Variants in PLCB1 observed in about 807,000 individuals in gnomAD.
The protein encoded by PLCB1 is 1-phosphatidylinositol 4,5-bisphosphate phosphodiesterase beta-1.
A neutral mutation model predicts 161.8 loss-of-function variants in PLCB1; 46 were observed. The ratio of observed to expected loss-of-function variants is 0.28; its 90% CI spans 0.22 to 0.36. PLCB1 has a LOEUF of 0.36. Among genes scored for constraint, PLCB1 ranks in the 10% least tolerant of loss-of-function variants. The pLI is 1.00. For missense variants in PLCB1, 1,016 were observed against 1,472.5 expected, an observed-to-expected ratio of 0.69 and a Z score of 5.07; for synonymous variants, 517 against 503.7, an observed-to-expected ratio of 1.03 and a Z score of -0.35.
chr20:8,809,729 A>G (rs1984719013), intron 31 of PLCB1, among the ~76,000 whole-genome samples: 1 of 152,232 alleles, frequency 6.6e-6, no homozygotes, highest in East Asian at 1.9e-4. Context: ...GAAATAAATT[A>G]CCTTCTTTAA....
At chr20:8,801,943 T>C (rs181079804) in intron 31 of PLCB1, 1 of 732,550 alleles carries the variant, frequency 1.4e-6, no homozygotes, top group African/African-American at 1.8e-5. Context: ...GTTAAAACTG[T>C]ACTCTAGAAG....
intron 3 of PLCB1, among the ~76,000 whole-genome samples, chr20:8,448,771 G>C (rs1210629499): frequency 2.0e-5 from 3 of 152,178 alleles, no homozygotes; most frequent in Non-Finnish European, 4.4e-5. Context: ...GATGTTAGCT[G>C]TTTGTATGAG....
rs1434344924 is a variant in PLCB1 at position 8,348,478 on chromosome 20, C to T, written c.178-22904C>T. ...AGGTGGGGACATGGGGTGCTTCTTC[C>T]TTCCCTCTTTGCTGCAGGCTGAAAT... On this transcript the variant is annotated intron_variant, in intron 2 of 31. Coordinates refer to ENST00000338037, the MANE Select transcript of PLCB1 (RefSeq NM_015192.4). 3.3e-5 allele frequency among the ~76,000 whole-genome samples: 5 copies of T among 152,268 alleles called. No homozygotes were observed. In the East Asian group the frequency reaches 9.7e-4, roughly 29 times the overall value.
At chr20:8,580,021 G>A (rs1049054236) in intron 3 of PLCB1, among the ~76,000 whole-genome samples, 1 of 152,166 alleles carries the variant, frequency 6.6e-6, no homozygotes, top group Non-Finnish European at 1.5e-5. Context: ...CTGGCCCTGG[G>A]TGATGGAGCA....
intron 3 of PLCB1, among the ~76,000 whole-genome samples, chr20:8,384,332 A>C (rs1987355911): frequency 6.6e-6 from 1 of 151,896 alleles, no homozygotes; most frequent in African/African-American, 2.4e-5. Flanking sequence ...ATACTTGTGC[A>C]TGCTTCACAA....
intron 2 of PLCB1, among the ~76,000 whole-genome samples, chr20:8,265,635 A>G (rs1568610612): frequency 6.6e-6 from 1 of 152,162 alleles, no homozygotes; most frequent in Non-Finnish European, 1.5e-5. Context: ...TTATTCTGCA[A>G]CATATGAACT....
chr20:8,277,214 T>C (rs1435371696), intron 2 of PLCB1, among the ~76,000 whole-genome samples: 1 of 151,800 alleles, frequency 6.6e-6, no homozygotes, highest in Non-Finnish European at 1.5e-5. Flanking sequence ...ATTTCTCCAA[T>C]AGTTCAATTC....
chr20:8,535,966 TATTTTA>T (rs1448902834), intron 3 of PLCB1, among the ~76,000 whole-genome samples: 1 of 151,818 alleles, frequency 6.6e-6, no homozygotes, highest in African/African-American at 2.4e-5. Context: ...AAACTAAGAT[TATTTTA>T]ATTTTATTTT....
chr20:8,589,989 C>G (rs1987101095), intron 3 of PLCB1, among the ~76,000 whole-genome samples: 1 of 152,096 alleles, frequency 6.6e-6, no homozygotes, highest in Non-Finnish European at 1.5e-5. Flanking sequence ...AATCAGCTCC[C>G]CAAGGCCCCT....
rs573247109 is a variant in PLCB1, at chr20:8,146,723, C to T, written c.100-3571C>T. Reference sequence around the variant, plus strand: ...GGTTTTGTTAAGGTCTTTTGCTTTGCCCCTTGATTGTTTTTGATTTGGCTT... The same window carrying T: ...GGTTTTGTTAAGGTCTTTTGCTTTGTCCCTTGATTGTTTTTGATTTGGCTT... On this transcript the variant is annotated intron_variant, in intron 1 of 31. Transcript: ENST00000338037. 4.6e-5 allele frequency among the ~76,000 whole-genome samples: 7 copies of T among 152,110 alleles called. No homozygotes were observed. The South Asian group carries it at 1.2e-3, about 27-fold the overall frequency.
chr20:8,772,046 A>ATT (rs57175112), intron 26 of PLCB1, among the ~76,000 whole-genome samples: 10,278 of 121,790 alleles, frequency 0.084, 567 homozygotes, highest in South Asian at 0.17. Context: ...GGCCCGGTTA[A>ATT]TTTTTTTTTT....
intron 31 of PLCB1, among the ~76,000 whole-genome samples, chr20:8,829,658 G>A (rs1220616596): frequency 6.6e-6 from 1 of 152,162 alleles, no homozygotes; most frequent in Non-Finnish European, 1.5e-5. Context: ...CTAAAAATCA[G>A]CCATTTTGAC....
intron 26 of PLCB1, among the ~76,000 whole-genome samples, chr20:8,769,122 A>G (rs1982533370): frequency 6.6e-6 from 1 of 152,234 alleles, no homozygotes. Flanking sequence ...TTTTGAGGTC[A>G]CAGACAGTTC....
intron 2 of PLCB1, among the ~76,000 whole-genome samples, chr20:8,207,987 G>A (rs1978621458): frequency 6.6e-6 from 1 of 152,090 alleles, no homozygotes; most frequent in East Asian, 1.9e-4. Context: ...GTTCATATGG[G>A]GTATCTGCAT....
chr20:8,536,611 C>A (rs79376764), intron 3 of PLCB1, among the ~76,000 whole-genome samples: 11,193 of 152,166 alleles, frequency 0.074, 502 homozygotes, highest in Non-Finnish European at 0.096. Flanking sequence ...CATCACTCAC[C>A]GGCCCCATAT....
At chr20:8,352,241 C>A (rs1986203884) in intron 2 of PLCB1, among the ~76,000 whole-genome samples, 1 of 152,040 alleles carries the variant, frequency 6.6e-6, no homozygotes, top group Non-Finnish European at 1.5e-5. Context: ...GAAAAGGCTG[C>A]ATCTTGTATA....
At chr20:8,771,986 ATCC>A (rs1258469662) in intron 26 of PLCB1, among the ~76,000 whole-genome samples, 1 of 151,012 alleles carries the variant, frequency 6.6e-6, no homozygotes, top group Non-Finnish European at 1.5e-5. Flanking sequence ...GGCTCAATCA[ATCC>A]TCCTGCCACA....
intron 2 of PLCB1, among the ~76,000 whole-genome samples, chr20:8,210,603 G>T (rs1377326917): frequency 6.6e-6 from 1 of 152,006 alleles, no homozygotes; most frequent in Non-Finnish European, 1.5e-5. Context: ...ACTTAGAAAG[G>T]TTCAGAATAT....
intron 3 of PLCB1, 33 bp from the exon 4 acceptor site, chr20:8,628,261 A>G (rs1385614465): frequency 2.6e-6 from 4 of 1,549,014 alleles, no homozygotes; most frequent in Non-Finnish European, 2.7e-6. Context: ...ATCTCTAGTT[A>G]TAGACTAATT....
Sources: allele counts gnomAD v4.1 joint callset (sites outside exome capture counted in the v4.1 genomes callset), GRCh38; gene constraint gnomAD v4.1.1; transcripts MANE v1.5; gene names NCBI Gene and HGNC (gene_info 2026-07-23, HGNC 2026-07-21).